Variants in PTPRR observed in about 807,000 individuals in gnomAD.
PTPRR encodes protein tyrosine phosphatase receptor type R.
Under a neutral mutation model 77.2 loss-of-function variants are expected in PTPRR, and 38 were observed. That is an observed-to-expected ratio of 0.49 (90% CI 0.38 to 0.65). The LOEUF is 0.65. PTPRR is among the 30% of genes least tolerant of loss of function. The pLI is 0.00. For synonymous variants in PTPRR, 299 were observed against 283.1 expected, an observed-to-expected ratio of 1.06 and a Z score of -0.57; for missense variants, 744 against 799.2, an observed-to-expected ratio of 0.93 and a Z score of 0.83.
intron 2 of PTPRR, among the ~76,000 whole-genome samples, chr12:70,854,906 G>A (rs1462879752): frequency 6.6e-6 from 1 of 152,178 alleles, no homozygotes; most frequent in South Asian, 2.1e-4. Flanking sequence ...ATAAATATTA[G>A]CTGCTATTTT....
intron 6 of PTPRR, among the ~76,000 whole-genome samples, chr12:70,724,444 G>A (rs537098368): frequency 1.3e-5 from 2 of 152,254 alleles, no homozygotes; most frequent in Admixed American, 6.5e-5. Flanking sequence ...GAGATAATAT[G>A]TGTGAAACAC....
chr12:70,744,603 C>T (rs376970256), intron 6 of PTPRR, among the ~76,000 whole-genome samples: 1 of 152,062 alleles, frequency 6.6e-6, no homozygotes, highest in Non-Finnish European at 1.5e-5. Flanking sequence ...TCTTAAAATC[C>T]CAAGCTATAT....
At chr12:70,762,417 A>G (rs1475485861) in intron 3 of PTPRR, among the ~76,000 whole-genome samples, 1 of 152,162 alleles carries the variant, frequency 6.6e-6, no homozygotes, top group Non-Finnish European at 1.5e-5. Flanking sequence ...ACACATGGAG[A>G]GCTCTCATGC....
At chr12:70,826,375 G>C (rs753227076) in intron 2 of PTPRR, among the ~76,000 whole-genome samples, 2 of 152,198 alleles carry the variant, frequency 1.3e-5, no homozygotes, top group Admixed American at 6.5e-5. Flanking sequence ...GCGGCCCAGT[G>C]ACAGAGATGG....
intron 2 of PTPRR, among the ~76,000 whole-genome samples, chr12:70,824,389 A>AT (rs975876149): frequency 3.3e-4 from 50 of 151,884 alleles, no homozygotes; most frequent in Middle Eastern, 6.8e-3. Flanking sequence ...CAATCCTTTA[A>AT]TTTTTTTTTA....
At position 70,745,833 on chromosome 12, in the gene PTPRR, A is replaced by G. The variant is rs770139589; in HGVS notation, c.992T>C (p.Ile331Thr). The change falls in exon 6 of 14, where the codon ATA becomes ACA. Residue 331 changes from isoleucine to threonine, a missense_variant. Physicochemically the swap from Ile to Thr is moderately conservative, Grantham distance 89. Around this residue, in one of 3 missense-constraint regions of PTPRR, gnomAD observed 570 missense variants for 573.2 expected, o/e 0.99. Transcript: ENST00000283228. The part of the protein sequence containing the change: ...VCPSPFKMKP[I>T]GLQERRGSNV... ...AAGCTCTTACCTCTCTTGAAGTCCT[A>G]TGGGCTTCATTTTGAAAGGAGAAGG... 8.1e-6 allele frequency: 13 copies of G among 1,614,008 alleles called. No homozygotes were observed. Among genetic ancestry groups the G allele is most frequent in the Admixed American group, 1.7e-5 (1 of 59,998 alleles).
chr12:70,816,635 AT>A (rs900007309), intron 2 of PTPRR, among the ~76,000 whole-genome samples: 2 of 152,078 alleles, frequency 1.3e-5, no homozygotes, highest in African/African-American at 2.4e-5. Flanking sequence ...GAGATATAAA[AT>A]TTTTTTTAAA....
At chr12:70,879,131 T>C (rs556495443) in intron 2 of PTPRR, among the ~76,000 whole-genome samples, 10 of 152,206 alleles carry the variant, frequency 6.6e-5, no homozygotes, top group African/African-American at 2.2e-4. Flanking sequence ...AGGGAAAGCA[T>C]TGGGAGATAT....
intron 6 of PTPRR, among the ~76,000 whole-genome samples, chr12:70,720,234 G>A (rs1299429709): frequency 6.6e-6 from 1 of 152,118 alleles, no homozygotes; most frequent in Non-Finnish European, 1.5e-5. Context: ...CATTACCTGG[G>A]CTCGAATCCT....
At chr12:70,852,416 A>T (rs2137070521) in intron 2 of PTPRR, among the ~76,000 whole-genome samples, 1 of 152,372 alleles carries the variant, frequency 6.6e-6, no homozygotes, top group East Asian at 1.9e-4. Context: ...TGGCATAGTT[A>T]ACTGCAACTA....
intron 4 of PTPRR, among the ~76,000 whole-genome samples, chr12:70,759,679 TAAAAAAAAAAAAAA>T (rs34011060): frequency 2.9e-5 from 1 of 34,430 alleles, no homozygotes; most frequent in Admixed American, 5.2e-4. Flanking sequence ...GACTCCGTCT[TAAAAAAAAAAAAAA>T]AAAAAAAAAA....
At chr12:70,665,138 A>G (rs1163004140) in intron 10 of PTPRR, among the ~76,000 whole-genome samples, 1 of 152,120 alleles carries the variant, frequency 6.6e-6, no homozygotes, top group Non-Finnish European at 1.5e-5. Context: ...TATAACCCCA[A>G]ATCATCACTA....
At chr12:70,734,066 G>A (rs1456050824) in intron 6 of PTPRR, among the ~76,000 whole-genome samples, 1 of 152,174 alleles carries the variant, frequency 6.6e-6, no homozygotes, top group Non-Finnish European at 1.5e-5. Context: ...TTCAGAACTG[G>A]TCGCTCTTAA....
chr12:70,658,214 C>T (rs1373296523), intron 12 of PTPRR, among the ~76,000 whole-genome samples: 2 of 152,142 alleles, frequency 1.3e-5, no homozygotes, highest in Non-Finnish European at 2.9e-5. Flanking sequence ...ACAATGTTTT[C>T]TTGGTCAGAA....
chr12:70,688,178 A>C (rs1887936877), intron 8 of PTPRR, among the ~76,000 whole-genome samples: 1 of 152,148 alleles, frequency 6.6e-6, no homozygotes, highest in Non-Finnish European at 1.5e-5. Flanking sequence ...ATGTGGGCAA[A>C]AATTTCTTGG....
chr12:70,756,461 A>G (rs1890566028), intron 4 of PTPRR, among the ~76,000 whole-genome samples: 2 of 152,160 alleles, frequency 1.3e-5, no homozygotes, highest in South Asian at 4.1e-4. Flanking sequence ...TCAAAAGACT[A>G]TAATTCACAA....
intron 10 of PTPRR, among the ~76,000 whole-genome samples, chr12:70,681,588 A>G (rs1364189668): frequency 6.6e-6 from 1 of 152,192 alleles, no homozygotes; most frequent in Non-Finnish European, 1.5e-5. Context: ...GACCCTCACT[A>G]AAGGTCTCCT....
chr12:70,792,639 G>C (rs1046096476), intron 2 of PTPRR, among the ~76,000 whole-genome samples: 2 of 151,876 alleles, frequency 1.3e-5, no homozygotes, highest in Non-Finnish European at 2.9e-5. Context: ...TTCTCATATA[G>C]GGGATAGGTA....
At chr12:70,644,461 A>G (rs1215120666) in intron 13 of PTPRR, among the ~76,000 whole-genome samples, 1 of 152,194 alleles carries the variant, frequency 6.6e-6, no homozygotes, top group Non-Finnish European at 1.5e-5. Context: ...TGTTGTCAAG[A>G]CAAATTCTGT....
Sources: gnomAD v4.1 joint callset for allele counts (sites outside exome capture counted in the v4.1 genomes callset) on GRCh38, gnomAD v4.1.1 for gene constraint, gnomAD v4.1.1 regional missense constraint, MANE v1.5 for transcripts, NCBI Gene and HGNC (gene_info 2026-07-23, HGNC 2026-07-21) for gene names.